The following FRAS1 variants were observed in gnomAD, a reference collection of about 807,000 sequenced individuals.
The protein encoded by FRAS1 is extracellular matrix organizing protein FRAS1.
In FRAS1, 290 loss-of-function variants were observed where a neutral mutation model predicts 435.2. The ratio of observed to expected loss-of-function variants is 0.67; its 90% CI spans 0.61 to 0.73. The LOEUF (loss-of-function observed/expected upper bound fraction) is 0.73, where lower values mean the gene tolerates loss of function less well. FRAS1 is among the 30% of genes least tolerant of loss of function. The pLI is 0.00. For missense variants in FRAS1, 4,860 were observed against 5,001.5 expected (o/e 0.97, Z 0.85); for synonymous variants, 1,800 against 1,851.0 (o/e 0.97, Z 0.71).
In FRAS1 at chr4:78,184,770, T is replaced by C. The variant is rs567262138; in HGVS notation, c.109-52740T>C. On this transcript the variant is annotated intron_variant, in intron 2 of 73. Transcript: ENST00000512123. ...GCCCAATCCCTTATAAAGGCCCACC[T>C]GATTAGGTCAGGCCCATCAAAGATG... 1.1e-4 allele frequency among the ~76,000 whole-genome samples: 16 copies of C among 152,332 alleles called. No individual in the cohort carries two copies. In the South Asian group the frequency reaches 3.1e-3, roughly 30 times the overall value.
intron 9 of FRAS1, among the ~76,000 whole-genome samples, chr4:78,278,216 C>T (rs1727157279): frequency 6.6e-6 from 1 of 152,202 alleles, no homozygotes; most frequent in Non-Finnish European, 1.5e-5. Flanking sequence ...TACATCTGTA[C>T]ATACAGGGAT....
Position 78,400,780 on chromosome 4 carries a change from C to T in FRAS1, c.4022C>T (p.Pro1341Leu). Residue 1341 changes from proline (P) to leucine (L), a missense_variant, in exon 30 of 74, where the codon CCA becomes CTA. Physicochemically the swap from Pro to Leu is moderately conservative, Grantham distance 98 (BLOSUM62 -3). Transcript: ENST00000512123. ...GTGGCTAATTCGATGGTGTGGGTTC[C>T]AGAAGGGGGGATGCTGCAGATCACC... The part of the protein sequence containing the change: ...QLVANSMVWV[P>L]EGGMLQITNR... The T allele has an allele frequency of 6.2e-7, 1 of 1,613,360 alleles. No homozygotes were observed. The highest frequency in any genetic ancestry group is 1.7e-5 in the Admixed American group (1 of 59,934).
chr4:78,057,618 C>A lies in FRAS1; in HGVS notation c.-392C>A. The A allele has an allele frequency of 4.5e-6, 1 of 223,002 alleles. No individual in the cohort carries two copies. 13.8% of individuals were successfully genotyped at this position (223,002 alleles called of 1,614,324 possible). A position where few individuals can be genotyped will look rare whatever the true frequency, so the allele number is the denominator to read the frequency against. Reference sequence around the variant, plus strand: ...AAACCAGAGCCAGGATTTCCACTGTCGGGGACCCGGGATCGGAAGGGTCTA... The same window carrying A: ...AAACCAGAGCCAGGATTTCCACTGTAGGGGACCCGGGATCGGAAGGGTCTA... On this transcript the variant is annotated 5_prime_UTR_variant, in exon 1 of 74. Coordinates refer to ENST00000512123, the MANE Select transcript of FRAS1 (RefSeq NM_025074.7). The surrounding 1 kb of genome is among the most constrained non-coding windows in gnomAD (Gnocchi z 4.2).
At chr4:78,261,996 C>G (rs1044536704) in intron 6 of FRAS1, among the ~76,000 whole-genome samples, 4 of 152,132 alleles carry the variant, frequency 2.6e-5, no homozygotes, top group Admixed American at 2.0e-4. Flanking sequence ...AAAAATCAGA[C>G]TATAGTCACT....
chr4:78,432,500 C>G lies in FRAS1; in HGVS notation c.5113C>G (p.Leu1705Val). Residue 1705 changes from leucine (L) to valine (V), a missense_variant, in exon 38 of 74, where the codon CTG (leucine) becomes GTG (valine). By Grantham distance (32) the Leu-to-Val change is conservative. Transcript: ENST00000512123. ...TMLEVRVEVS[L>V]SEDRGPRLAA... The stretch of plus-strand genomic sequence containing the variant: ...GCTGGAGGTGAGAGTAGAGGTGTCC[C>G]TGTCAGAAGACCGAGGGCCTCGACT... 6.2e-7 allele frequency: 1 copy of G among 1,613,236 alleles called. No homozygotes were observed. Among genetic ancestry groups the G allele is most frequent in the Non-Finnish European group, 8.5e-7 (1 of 1,179,586 alleles).
In FRAS1 at chr4:78,421,978, G is replaced by C. The variant is rs184915830; in HGVS notation, c.4656G>C (p.Glu1552Asp). 1.2e-6 allele frequency: 2 copies of C among 1,612,626 alleles called. No individual in the cohort carries two copies. Among genetic ancestry groups the C allele is most frequent in the East Asian group, 4.5e-5 (2 of 44,840 alleles). Residue 1552 changes from glutamate (E) to aspartate (D), a missense_variant, in exon 34 of 74, where the codon GAG becomes GAC. Physicochemically the swap from Glu to Asp is conservative, Grantham distance 45. Coordinates refer to ENST00000512123, the MANE Select transcript of FRAS1 (RefSeq NM_025074.7). The part of the protein sequence containing the change: ...RPPPAAPHLQ[E>D]LMAFSFAGLP... ...CCCCGGCAGCACCCCACCTCCAGGA[G>C]CTCATGGCCTTCTCGTTCGCTGGTA...
At chr4:78,362,625 G>GTA (rs1447610103) in intron 20 of FRAS1, among the ~76,000 whole-genome samples, 1 of 152,240 alleles carries the variant, frequency 6.6e-6, no homozygotes. Context: ...TGGTGTGACA[G>GTA]CCTTTTCTGG....
intron 14 of FRAS1, among the ~76,000 whole-genome samples, chr4:78,303,200 C>T (rs563713698): frequency 5.3e-5 from 8 of 152,200 alleles, no homozygotes; most frequent in Admixed American, 1.3e-4. Flanking sequence ...GGGCTCTGTT[C>T]TGTTCCATTG....
intron 2 of FRAS1, chr4:78,182,145 A>C (rs1201805135): frequency 1.2e-6 from 1 of 838,460 alleles, no homozygotes; most frequent in East Asian, 2.7e-5. Flanking sequence ...CCGGGCCAAG[A>C]TGGAAGCAGG....
At chr4:78,463,320 T>C (rs1719427212) in intron 47 of FRAS1, among the ~76,000 whole-genome samples, 1 of 152,024 alleles carries the variant, frequency 6.6e-6, no homozygotes, top group Admixed American at 6.5e-5. Flanking sequence ...AGAGAAAAAT[T>C]AATAGAGAAA....
rs527828725 is a variant in FRAS1 at position 78,259,626 on chromosome 4, G to T, written c.603+4251G>T. ...ATATTAGCCCTTTGTCAGATGAGTA[G>T]GTTGCGAAAATTTTCTCCCATTTTG... On this transcript the variant is annotated intron_variant, in intron 6 of 73. Transcript: ENST00000512123. 2.3e-4 allele frequency among the ~76,000 whole-genome samples: 34 copies of T among 149,762 alleles called. 1 individual carries two copies. In the East Asian group the frequency reaches 6.6e-3, roughly 29 times the overall value.
At chr4:78,472,094 T>C in intron 51 of FRAS1, 86 bp from the exon 52 acceptor site, 1 of 1,347,178 alleles carries the variant, frequency 7.4e-7, no homozygotes, top group East Asian at 2.3e-5. Context: ...TAAATCATTG[T>C]TGAACTGAAT....
chr4:78,419,190 T>C lies in FRAS1; in HGVS notation c.4540+127T>C, dbSNP rs1452294333. 8.9e-6 allele frequency: 5 copies of C among 560,078 alleles called. No homozygotes were observed. The African/African-American group carries it at 9.8e-5, about 11-fold the overall frequency. The allele number at this position is 560,078 out of a possible 1,614,324, so 34.7% of individuals were successfully genotyped here. On this transcript the variant is annotated intron_variant, in intron 33 of 73. Coordinates refer to ENST00000512123, the MANE Select transcript of FRAS1 (RefSeq NM_025074.7). ...TATTTGTTGAGGTTTCAAGGAATAA[T>C]GATTATTCATATTTCTCGCTCCTGT...
chr4:78,155,265 G>A (rs1303487985), intron 2 of FRAS1, among the ~76,000 whole-genome samples: 1 of 152,138 alleles, frequency 6.6e-6, no homozygotes, highest in Non-Finnish European at 1.5e-5. Flanking sequence ...CAAGTGGACT[G>A]CTTAATTTTT....
intron 2 of FRAS1, chr4:78,181,192 G>T: frequency 6.2e-7 from 1 of 1,607,592 alleles, no homozygotes; most frequent in South Asian, 1.1e-5. Flanking sequence ...CTTTTGCCCG[G>T]TCCTTATTTT....
chr4:78,477,839 A>G lies in FRAS1; in HGVS notation c.7876A>G (p.Thr2626Ala). The change falls in exon 55 of 74, where the codon ACC becomes GCC. Residue 2626 changes from threonine to alanine, a missense_variant. By Grantham distance (58) the Thr-to-Ala change is moderately conservative. Transcript: ENST00000512123. ...GQVQFDEREDTKSCTIVINDD... is the reference protein window; with the variant it reads ...GQVQFDEREDAKSCTIVINDD... ...GGTCCAGTTTGATGAGCGAGAGGAC[A>G]CCAAGTCCTGCACCATTGTCATCAA... 6.2e-7 allele frequency: 1 copy of G among 1,613,558 alleles called. No homozygotes were observed. Among genetic ancestry groups the G allele is most frequent in the Non-Finnish European group, 8.5e-7 (1 of 1,179,694 alleles).
intron 26 of FRAS1, among the ~76,000 whole-genome samples, chr4:78,377,089 G>A (rs765971828): frequency 3.9e-5 from 6 of 152,084 alleles, no homozygotes. Context: ...AAAGAGAAGT[G>A]AATTTAAATT....
chr4:78,197,645 G>A (rs553104531), intron 2 of FRAS1, among the ~76,000 whole-genome samples: 50 of 152,060 alleles, frequency 3.3e-4, no homozygotes, highest in African/African-American at 7.9e-4. Context: ...AGAGGTGAGC[G>A]TAAAGAGTGG....
At chr4:78,300,507 A>C (rs73827963) in intron 14 of FRAS1, among the ~76,000 whole-genome samples, 2,065 of 152,040 alleles carry the variant, frequency 0.014, 52 homozygotes, top group African/African-American at 0.047. Context: ...CTTCCCACCC[A>C]ACTAGTCCAA....
Sources: gnomAD v4.1 joint callset for allele counts (sites outside exome capture counted in the v4.1 genomes callset) on GRCh38, gnomAD v4.1.1 for gene constraint, Gnocchi (gnomAD v3.1) non-coding constraint, MANE v1.5 for transcripts, NCBI Gene and HGNC (gene_info 2026-07-23, HGNC 2026-07-21) for gene names.